The following SLC18A1 variants were observed in gnomAD, a reference collection of about 807,000 sequenced individuals.
SLC18A1 encodes solute carrier family 18 member A1, also known as chromaffin granule amine transporter.
Under a neutral mutation model 53.7 loss-of-function variants are expected in SLC18A1, and 69 were observed. The ratio of observed to expected loss-of-function variants is 1.28; its 90% CI spans 1.06 to 1.57. The LOEUF (loss-of-function observed/expected upper bound fraction) is 1.57. SLC18A1 is among the 40% of genes most tolerant of loss of function. The pLI is 0.00. For missense variants in SLC18A1, 932 were observed against 668.1 expected (o/e 1.40, Z -4.35); for synonymous variants, 320 against 248.1 (o/e 1.29, Z -2.72).
rs2071808072 is a variant in SLC18A1, at chr8:20,160,654, T to C, written c.1015+4215A>G. 2.6e-5 allele frequency among the ~76,000 whole-genome samples: 4 copies of C among 152,190 alleles called. No homozygotes were observed. The South Asian group carries it at 8.3e-4, about 32-fold the overall frequency. On this transcript the variant is annotated intron_variant, in intron 10 of 15. Coordinates refer to ENST00000276373, the MANE Select transcript of SLC18A1 (RefSeq NM_003053.4). ...AATGACTCTGAAAAATACCTACTTT[T>C]TTACAAATTAAAAAACTGAAGTTGG...
intron 10 of SLC18A1, among the ~76,000 whole-genome samples, chr8:20,163,319 T>A (rs1419276745): frequency 6.6e-6 from 1 of 152,224 alleles, no homozygotes; most frequent in Non-Finnish European, 1.5e-5. Context: ...TTCTCAAGAC[T>A]GTTGCACTGG....
At chr8:20,166,658 T>G (rs1256918455) in intron 8 of SLC18A1, among the ~76,000 whole-genome samples, 1 of 151,584 alleles carries the variant, frequency 6.6e-6, no homozygotes, top group East Asian at 1.9e-4. Context: ...TAGGTGGTAA[T>G]GTCCTATATA....
intron 6 of SLC18A1, among the ~76,000 whole-genome samples, chr8:20,171,944 G>A (rs918113268): frequency 5.3e-5 from 8 of 152,300 alleles, no homozygotes; most frequent in South Asian, 2.1e-4. Context: ...AGAAGAAAGC[G>A]GGTGTTAGCA....
At chr8:20,150,857 A>G (rs916198070) in intron 10 of SLC18A1, 113 bp from the exon 11 acceptor site, 2 of 928,142 alleles carry the variant, frequency 2.2e-6, no homozygotes, top group Admixed American at 3.8e-5. Context: ...TCCCCAAACC[A>G]CTTTGTTTTA....
At chr8:20,150,374 T>C (rs1377998877) in intron 11 of SLC18A1, among the ~76,000 whole-genome samples, 1 of 152,172 alleles carries the variant, frequency 6.6e-6, no homozygotes, top group African/African-American at 2.4e-5. Flanking sequence ...CTGTTCTCTG[T>C]TGTGGTTATT....
Position 20,164,859 on chromosome 8 carries a change from G to A in SLC18A1, c.1015+10C>T. 1 of 1,600,348 alleles carries A rather than the reference G, an allele frequency of 6.2e-7. No individual in the cohort carries two copies. The highest frequency in any genetic ancestry group is 8.5e-7 in the Non-Finnish European group (1 of 1,169,746). Reference sequence around the variant, plus strand: ...GCCAGGCCCTGAGCGGGGGTGCTGAGGTCACTTACCCAGCTGCCACTTGGG... The same window carrying A: ...GCCAGGCCCTGAGCGGGGGTGCTGAAGTCACTTACCCAGCTGCCACTTGGG... On this transcript the variant is annotated intron_variant, in intron 10 of 15. Coordinates refer to ENST00000276373, the MANE Select transcript of SLC18A1 (RefSeq NM_003053.4).
Position 20,147,185 on chromosome 8 carries a change from G to T in SLC18A1, c.1464+73C>A. 3 of 1,506,278 alleles carry T rather than the reference G, an allele frequency of 2.0e-6. No homozygotes were observed. In the East Asian group the frequency reaches 6.8e-5, roughly 34 times the overall value. The allele number at this position is 1,506,278 out of a possible 1,614,324, so 93.3% of individuals were successfully genotyped here. A position where few individuals can be genotyped will look rare whatever the true frequency, so the allele number is the denominator to read the frequency against. On this transcript the variant is annotated intron_variant, in intron 15 of 15. Coordinates refer to ENST00000276373, the MANE Select transcript of SLC18A1 (RefSeq NM_003053.4). The stretch of plus-strand genomic sequence containing the variant: ...ATAGAGGGAGGAAATAACAGCCCAG[G>T]ATGAAAGGGAATGAGAGAGATGATG...
At chr8:20,152,032 G>A (rs1009167335) in intron 10 of SLC18A1, among the ~76,000 whole-genome samples, 1 of 152,224 alleles carries the variant, frequency 6.6e-6, no homozygotes, top group Non-Finnish European at 1.5e-5. Context: ...GAGCAACTCA[G>A]AAGGGCTATC....
At chr8:20,147,568 A>G (rs760969758) in intron 14 of SLC18A1, 35 bp downstream of exon 14, 1 of 1,612,640 alleles carries the variant, frequency 6.2e-7, no homozygotes, top group Admixed American at 1.7e-5. Flanking sequence ...AAGAGTAGAC[A>G]GGGGAAAGTG....
chr8:20,154,500 G>T (rs2071634781), intron 10 of SLC18A1, among the ~76,000 whole-genome samples: 1 of 152,214 alleles, frequency 6.6e-6, no homozygotes, highest in African/African-American at 2.4e-5. Flanking sequence ...ATCTTTGAAG[G>T]AGAATAGAGA....
intron 10 of SLC18A1, among the ~76,000 whole-genome samples, chr8:20,164,122 G>C (rs1230039170): frequency 6.6e-6 from 1 of 152,146 alleles, no homozygotes; most frequent in Non-Finnish European, 1.5e-5. Context: ...ACTATATCAT[G>C]TTCTTATCAG....
At chr8:20,159,172 A>G (rs2071753259) in intron 10 of SLC18A1, among the ~76,000 whole-genome samples, 1 of 152,234 alleles carries the variant, frequency 6.6e-6, no homozygotes, top group Non-Finnish European at 1.5e-5. Flanking sequence ...TGTTGATGAC[A>G]TCGAAAGCAC....
intron 10 of SLC18A1, among the ~76,000 whole-genome samples, chr8:20,155,893 C>A (rs920545660): frequency 1.1e-4 from 16 of 152,170 alleles, no homozygotes; most frequent in African/African-American, 3.9e-4. Flanking sequence ...TATGTGGGAC[C>A]CGTTCCCCAC....
chr8:20,173,923 G>T (rs1301332996), intron 5 of SLC18A1, among the ~76,000 whole-genome samples: 1 of 147,356 alleles, frequency 6.8e-6, no homozygotes, highest in Non-Finnish European at 1.5e-5. Flanking sequence ...TTGAGTTAGG[G>T]TCTAGCTCTG....
In SLC18A1 at chr8:20,173,037, C is replaced by T; in HGVS notation, c.723G>A (p.Leu241=). Residue 241 remains leucine, a splice_region_variant and synonymous_variant, in exon 6 of 16, where the codon CTG becomes CTA. Transcript: ENST00000276373. The stretch of plus-strand genomic sequence containing the variant: ...AGAGCTCCAGCTGGTGCCACTTACC[C>T]AGCAACCCCAAGGCCAGGCCCCCCA... ...TALGGLALGL[L]VGAPFGSVMY... is the part of the protein sequence containing the mutation. 1.9e-6 allele frequency: 3 copies of T among 1,584,348 alleles called. No individual in the cohort carries two copies. The highest frequency in any genetic ancestry group is 2.6e-6 in the Non-Finnish European group (3 of 1,165,614).
In SLC18A1 at chr8:20,147,391, C is replaced by G; in HGVS notation, c.1331G>C (p.Gly444Ala). 2 of 1,605,958 alleles carry G rather than the reference C, an allele frequency of 1.2e-6. No homozygotes were observed. Among genetic ancestry groups the G allele is most frequent in the African/African-American group, 1.3e-5 (1 of 74,658 alleles). Residue 444 changes from glycine (G) to alanine (A), a missense_variant and splice_region_variant, in exon 15 of 16, where the codon GGT becomes GCT. Gly to Ala is a moderately conservative substitution (Grantham distance 60, BLOSUM62 0). Transcript: ENST00000276373. ...DVAFCMGFAI[G>A]PSTGGAIVKA... ...TACAATGGCACCACCGGTGGATGGACCTGGGAGGGATACATCAAAGTCATA... is the reference window on the plus strand; with the variant it reads ...TACAATGGCACCACCGGTGGATGGAGCTGGGAGGGATACATCAAAGTCATA...
At chr8:20,158,720 T>G (rs1415701693) in intron 10 of SLC18A1, among the ~76,000 whole-genome samples, 1 of 152,112 alleles carries the variant, frequency 6.6e-6, no homozygotes, top group Non-Finnish European at 1.5e-5. Flanking sequence ...ATCTCAGGAT[T>G]ATCAGTGAGG....
rs539562981 is a variant in SLC18A1 at position 20,150,675 on chromosome 8, T to G, written c.1085A>C (p.Lys362Thr). The change falls in exon 11 of 16, where the codon AAG becomes ACG. Residue 362 changes from lysine to threonine, a missense_variant. Transcript: ENST00000276373. ...GTNLFGVLANKMGRWLCSLIG... is the reference protein window; with the variant it reads ...GTNLFGVLANTMGRWLCSLIG... ...TCCCGAGGCTACATACCGACCCATC[T>G]TGTTGGCCAACACACCAAAGAGGTT... 1.2e-6 allele frequency: 2 copies of G among 1,614,090 alleles called. No individual in the cohort carries two copies. The highest frequency in any genetic ancestry group is 1.7e-6 in the Non-Finnish European group (2 of 1,179,938).
intron 3 of SLC18A1, 41 bp downstream of exon 3, chr8:20,179,080 A>G (rs199870241): frequency 2.5e-4 from 394 of 1,559,784 alleles, no homozygotes; most frequent in Admixed American, 3.4e-4. Flanking sequence ...TAGTCCTCCT[A>G]CTCCTGTGTA....
Sources: allele counts gnomAD v4.1 joint callset (sites outside exome capture counted in the v4.1 genomes callset), GRCh38; gene constraint gnomAD v4.1.1; transcripts MANE v1.5; gene names NCBI Gene and HGNC (gene_info 2026-07-23, HGNC 2026-07-21).